DUOX2: variants seen among roughly 807,000 people sequenced by gnomAD.
DUOX2 encodes NADH/NADPH thyroid oxidase p138-tox.
In DUOX2, 185 loss-of-function variants were observed where a neutral mutation model predicts 183.3. The observed-to-expected ratio is 1.01, with a 90% CI of 0.90 to 1.14. The LOEUF (loss-of-function observed/expected upper bound fraction) is 1.14. Among genes scored for constraint, DUOX2 ranks in the 50% most tolerant of loss-of-function variants. The pLI is 0.00. For synonymous variants in DUOX2, 788 were observed against 812.4 expected, an observed-to-expected ratio of 0.97 and a Z score of 0.51; for missense variants, 1,999 against 2,022.9, an observed-to-expected ratio of 0.99 and a Z score of 0.23.
chr15:45,112,830 C>A (rs565904261), intron 3 of DUOX2, 112 bp from the exon 4 acceptor site: 1 of 1,564,382 alleles, frequency 6.4e-7, no homozygotes, highest in East Asian at 2.2e-5. Flanking sequence ...AGAACCTTCC[C>A]TCAAGGGTCT....
At chr15:45,112,479 A>T in intron 4 of DUOX2, 75 bp downstream of exon 4, 3 of 1,576,208 alleles carry the variant, frequency 1.9e-6, no homozygotes, top group Non-Finnish European at 2.6e-6. Flanking sequence ...GTGGACTCGC[A>T]GACGGGATCT....
chr15:45,112,916 C>A, intron 3 of DUOX2, 71 bp downstream of exon 3: 2 of 1,579,484 alleles, frequency 1.3e-6, no homozygotes, highest in South Asian at 1.1e-5. Context: ...GCAGATTCCC[C>A]GCTCAGGGCC....
In DUOX2 at chr15:45,094,065, T is replaced by G. The variant is rs1893828140; in HGVS notation, c.*85A>C. On this transcript the variant is annotated 3_prime_UTR_variant, in exon 34 of 34. Transcript: ENST00000389039. ...AGCTGAGGCCTAAGGTGGATTCTGA[T>G]GGAGAGATTGCCAGCAGGGCTGGGC... The G allele has an allele frequency of 1.3e-6, 2 of 1,593,788 alleles. No individual in the cohort carries two copies. The highest frequency in any genetic ancestry group is 1.7e-6 in the Non-Finnish European group (2 of 1,162,672).
chr15:45,104,815 T>G (rs1894173058), intron 18 of DUOX2, among the ~76,000 whole-genome samples: 1 of 152,134 alleles, frequency 6.6e-6, no homozygotes, highest in Non-Finnish European at 1.5e-5. Flanking sequence ...TAACAACCAT[T>G]TATTGTTTTT....
chr15:45,106,345 G>A lies in DUOX2; in HGVS notation c.1946-18C>T, dbSNP rs760961734. On this transcript the variant is annotated intron_variant, in intron 16 of 33. Transcript: ENST00000389039. ...CTCCATCGCTGGGGAAGGGATAATT[G>A]GGCCGGGTAGTTCAGCAGATGTCCC... 1 of 1,613,408 alleles carries A rather than the reference G, an allele frequency of 6.2e-7. No individual in the cohort carries two copies. The highest frequency in any genetic ancestry group is 8.5e-7 in the Non-Finnish European group (1 of 1,179,956).
At chr15:45,103,275 C>G (rs1894126170) in intron 20 of DUOX2, among the ~76,000 whole-genome samples, 1 of 152,192 alleles carries the variant, frequency 6.6e-6, no homozygotes, top group Admixed American at 6.5e-5. Flanking sequence ...TTCATTTGCT[C>G]ACTTATTTCA....
chr15:45,099,545 G>T (rs1894007509), intron 25 of DUOX2, 63 bp from the exon 26 acceptor site: 1 of 1,576,548 alleles, frequency 6.3e-7, no homozygotes, highest in Non-Finnish European at 8.7e-7. Context: ...GATCCTGAGG[G>T]AGAGAGGAGG....
rs1893803326 is a variant in DUOX2 at position 45,093,061 on chromosome 15, C to T, written c.*1089G>A. ...TTATACCTCGATGTAAAATATTTTA[C>T]AGCTCAGCTTTTTAGGAAAGAGCCC... On this transcript the variant is annotated 3_prime_UTR_variant, in exon 34 of 34. Coordinates refer to ENST00000389039, the MANE Select transcript of DUOX2 (RefSeq NM_001363711.2). The T allele has an allele frequency of 6.6e-6, 1 of 152,134 alleles. No homozygotes were observed. Among genetic ancestry groups the T allele is most frequent in the African/African-American group, 2.4e-5 (1 of 41,400 alleles). 9.4% of individuals were successfully genotyped at this position (152,134 alleles called of 1,614,324 possible). A position where few individuals can be genotyped will look rare whatever the true frequency, so the allele number is the denominator to read the frequency against.
Position 45,100,104 on chromosome 15 carries a change from A to G in DUOX2, c.3130T>C (p.Cys1044Arg). The G allele has an allele frequency of 6.2e-7, 1 of 1,614,210 alleles. No homozygotes were observed. Among genetic ancestry groups the G allele is most frequent in the Non-Finnish European group, 8.5e-7 (1 of 1,180,036 alleles). ...CAGATGGCCGAGAAGATTGCCACAC[A>G]CACGATGTGCCTCCGGTAGTTCTCC... ...FVENYRRHIV[C>R]VAIFSAICVG... The change falls in exon 24 of 34, where the codon TGT (cysteine) becomes CGT (arginine). Residue 1044 changes from cysteine (C) to arginine (R), a missense_variant. Physicochemically the swap from Cys to Arg is radical, Grantham distance 180. Transcript: ENST00000389039.
At position 45,110,666 on chromosome 15, in the gene DUOX2, T is replaced by C; in HGVS notation, c.927A>G (p.Thr309=). Reference sequence around the variant, plus strand: ...CTCCCTCACCTGTATACTCCGGGAGTGTTTTCTGCAGGAAGCTGGGCAGCC... The same window carrying C: ...CTCCCTCACCTGTATACTCCGGGAGCGTTTTCTGCAGGAAGCTGGGCAGCC... ...YEWLPSFLQK[T]LPEYTGYRPF... The change falls in exon 8 of 34, where the codon ACA becomes ACG. Residue 309 remains threonine, a synonymous_variant. Transcript: ENST00000389039. 1 of 1,612,182 alleles carries C rather than the reference T, an allele frequency of 6.2e-7. No individual in the cohort carries two copies. Among genetic ancestry groups the C allele is most frequent in the Non-Finnish European group, 8.5e-7 (1 of 1,179,852 alleles).
At chr15:45,110,014 T>A (rs1372635942) in intron 9 of DUOX2, 34 bp from the exon 10 acceptor site, 1 of 1,602,186 alleles carries the variant, frequency 6.2e-7, no homozygotes, top group African/African-American at 1.3e-5. Flanking sequence ...GGTGAGGGAA[T>A]TTGGAGAAGA....
rs1272367586 is a variant in DUOX2 at position 45,104,347 on chromosome 15, C to T, written c.2353G>A (p.Ala785Thr). 1 of 1,613,758 alleles carries T rather than the reference C, an allele frequency of 6.2e-7. No individual in the cohort carries two copies. Among genetic ancestry groups the T allele is most frequent in the Admixed American group, 1.7e-5 (1 of 59,980 alleles). ...TCCAGGGGCAGGGTCCCTGCGTCGGCCTGGTTGATGTCCAGCACCTGCACT... is the reference window on the plus strand; with the variant it reads ...TCCAGGGGCAGGGTCCCTGCGTCGGTCTGGTTGATGTCCAGCACCTGCACT... Reference protein sequence around the residue: ...LFAQVLDINQADAGTLPLDSS... With the variant: ...LFAQVLDINQTDAGTLPLDSS... Residue 785 changes from alanine (A) to threonine (T), a missense_variant, in exon 19 of 34, where the codon GCC becomes ACC. Transcript: ENST00000389039.
At chr15:45,102,811 A>G (rs1386140732) in intron 20 of DUOX2, among the ~76,000 whole-genome samples, 1 of 152,114 alleles carries the variant, frequency 6.6e-6, no homozygotes. Flanking sequence ...GTGAAACCCC[A>G]TCTCTACTAA....
In DUOX2 at chr15:45,106,982, G is replaced by T; in HGVS notation, c.1694-13C>A. 1 of 1,569,610 alleles carries T rather than the reference G, an allele frequency of 6.4e-7. No homozygotes were observed. Among genetic ancestry groups the T allele is most frequent in the Non-Finnish European group, 8.6e-7 (1 of 1,156,704 alleles). On this transcript the variant is annotated splice_polypyrimidine_tract_variant and intron_variant, in intron 14 of 33. Coordinates refer to ENST00000389039, the MANE Select transcript of DUOX2 (RefSeq NM_001363711.2). ...GGGCAGGGTGCACCTGAGGGAGAGG[G>T]CAGGGAAGACCTCAAAGTCTGAGGA... is the stretch of plus-strand genomic sequence containing the variant.
rs1321530729 is a variant in DUOX2, at chr15:45,104,281, T to G, written c.2419A>C (p.Ser807Arg). Residue 807 changes from serine (S) to arginine (R), a missense_variant, in exon 19 of 34, where the codon AGC becomes CGC. By Grantham distance (110) the Ser-to-Arg change is moderately radical. This residue lies in a region of DUOX2 where 1,628 missense variants were observed against 1,608.6 expected (regional missense o/e 1.01). Coordinates refer to ENST00000389039, the MANE Select transcript of DUOX2 (RefSeq NM_001363711.2). ...AGGGACTCGGCAAACTCGGCCCTGC[T>G]CAGCTCGCAGGTCAGGGCCTCCCGC... ...KVREALTCEL[S>R]RAEFAESLGL... The G allele has an allele frequency of 1.2e-6, 2 of 1,613,928 alleles. No homozygotes were observed. Among genetic ancestry groups the G allele is most frequent in the Non-Finnish European group, 1.7e-6 (2 of 1,180,010 alleles).
chr15:45,113,121 A>AC, intron 2 of DUOX2, 45 bp from the exon 3 acceptor site: 1 of 1,586,486 alleles, frequency 6.3e-7, no homozygotes, highest in Non-Finnish European at 8.6e-7. Context: ...GCTCCCAGCT[A>AC]CCCCTCCCGA....
chr15:45,108,481 G>T (rs1595526669), intron 12 of DUOX2: 1 of 597,428 alleles, frequency 1.7e-6, no homozygotes, highest in East Asian at 2.9e-5. Flanking sequence ...TCAATGATTA[G>T]CAGCTTCAGG....
Position 45,094,396 on chromosome 15 carries a change from G to T in DUOX2, c.4525-124C>A, listed in dbSNP as rs552371581. ...TTCAAGCCCAGGCCTTGAGGAGGAG[G>T]CTTAACGTGGAGGGGGTGGAAGTCC... On this transcript the variant is annotated intron_variant, in intron 33 of 33. Transcript: ENST00000389039. 6.5e-6 allele frequency: 10 copies of T among 1,549,102 alleles called. No individual in the cohort carries two copies. The South Asian group carries it at 8.1e-5, about 13-fold the overall frequency.
At chr15:45,100,686 G>C in intron 23 of DUOX2, 69 bp downstream of exon 23, 1 of 1,275,910 alleles carries the variant, frequency 7.8e-7, no homozygotes, top group Admixed American at 1.7e-5. Context: ...AGGATATGTG[G>C]GTGGGGCCTA....
Sources: allele counts gnomAD v4.1 joint callset (sites outside exome capture counted in the v4.1 genomes callset), GRCh38; gene constraint gnomAD v4.1.1; regional missense constraint gnomAD v4.1.1; transcripts MANE v1.5; gene names NCBI Gene and HGNC (gene_info 2026-07-23, HGNC 2026-07-21).